Variants in GALNTL6 observed in about 807,000 individuals in gnomAD.
GALNTL6 encodes the protein polypeptide N-acetylgalactosaminyltransferase like 6.
A neutral mutation model predicts 73.7 loss-of-function variants in GALNTL6; 46 were observed. The ratio of observed to expected loss-of-function variants is 0.62; its 90% CI spans 0.49 to 0.80. The LOEUF (loss-of-function observed/expected upper bound fraction) is 0.80. GALNTL6 is among the 30% of genes least tolerant of loss of function. GALNTL6 has a pLI of 0.00. For synonymous variants in GALNTL6, 259 were observed against 263.7 expected (o/e 0.98, Z 0.17); for missense variants, 604 against 755.0 (o/e 0.80, Z 2.34).
At chr4:172,729,068 T>C (rs1735996777) in intron 5 of GALNTL6, among the ~76,000 whole-genome samples, 1 of 152,180 alleles carries the variant, frequency 6.6e-6, no homozygotes, top group Non-Finnish European at 1.5e-5. Context: ...ATTTGATTAT[T>C]TGGGTTTTTC....
intron 2 of GALNTL6, among the ~76,000 whole-genome samples, chr4:172,208,520 T>A (rs534827601): frequency 1.3e-5 from 2 of 152,292 alleles, no homozygotes; most frequent in East Asian, 1.9e-4. Context: ...CACATTTGTA[T>A]GATTTGGTAT....
chr4:172,748,794 G>A (rs1346662020), intron 5 of GALNTL6, among the ~76,000 whole-genome samples: 1 of 152,184 alleles, frequency 6.6e-6, no homozygotes, highest in Non-Finnish European at 1.5e-5. Context: ...GTAGATATTC[G>A]AAGTGATGGA....
chr4:172,414,251 T>C (rs1044005641), intron 5 of GALNTL6, among the ~76,000 whole-genome samples: 2 of 152,146 alleles, frequency 1.3e-5, no homozygotes, highest in East Asian at 3.9e-4. Context: ...GGACCTCAAC[T>C]TTCTCATTTA....
intron 3 of GALNTL6, among the ~76,000 whole-genome samples, chr4:172,303,103 G>A (rs535912272): frequency 9.2e-5 from 14 of 152,148 alleles, no homozygotes; most frequent in African/African-American, 2.2e-4. Context: ...AGGTTCAAGC[G>A]ATTCTCCTGC....
At chr4:172,465,488 AAAAAAGAAAAAG>A (rs1194943829) in intron 5 of GALNTL6, among the ~76,000 whole-genome samples, 1 of 152,104 alleles carries the variant, frequency 6.6e-6, no homozygotes, top group South Asian at 2.1e-4. Flanking sequence ...AAAAAAGAAA[AAAAAAGAAAAAG>A]AAAAAGAAAC....
At chr4:171,996,473 G>A (rs1434075656) in intron 2 of GALNTL6, among the ~76,000 whole-genome samples, 1 of 151,812 alleles carries the variant, frequency 6.6e-6, no homozygotes, top group Non-Finnish European at 1.5e-5. Flanking sequence ...TTTCATATTT[G>A]CAATATATTT....
chr4:172,917,958 A>T (rs1359289186), intron 8 of GALNTL6, among the ~76,000 whole-genome samples: 2 of 152,250 alleles, frequency 1.3e-5, no homozygotes, highest in Non-Finnish European at 2.9e-5. Context: ...ACATATGTTT[A>T]TTGTGGCACT....
chr4:172,223,741 C>T (rs1038456924), intron 2 of GALNTL6, among the ~76,000 whole-genome samples: 7 of 152,208 alleles, frequency 4.6e-5, no homozygotes, highest in East Asian at 1.9e-4. Context: ...TAATTAGTTA[C>T]GTGATCTTGA....
intron 7 of GALNTL6, among the ~76,000 whole-genome samples, chr4:172,871,328 A>T (rs1272483908): frequency 6.6e-6 from 1 of 152,038 alleles, no homozygotes; most frequent in African/African-American, 2.4e-5. Flanking sequence ...GGTTTCAGAA[A>T]CTCCACTGTG....
At chr4:172,632,239 GTGGAAGCCACTT>G (rs1347926328) in intron 5 of GALNTL6, among the ~76,000 whole-genome samples, 1 of 152,236 alleles carries the variant, frequency 6.6e-6, no homozygotes. Context: ...AGCCAAAATT[GTGGAAGCCACTT>G]TGGAACTGGG....
chr4:172,282,590 T>C (rs1739098834), intron 3 of GALNTL6, among the ~76,000 whole-genome samples: 1 of 149,502 alleles, frequency 6.7e-6, no homozygotes, highest in African/African-American at 2.5e-5. Flanking sequence ...TAGGATGTGG[T>C]AAATAAAATG....
chr4:171,905,752 T>A (rs146561910), intron 2 of GALNTL6, among the ~76,000 whole-genome samples: 1,851 of 150,880 alleles, frequency 0.012, 39 homozygotes, highest in African/African-American at 0.043. Context: ...AGTAAAGCTC[T>A]CCTCAGCAAA....
chr4:171,846,470 C>T (rs1025046180), intron 2 of GALNTL6, among the ~76,000 whole-genome samples: 3 of 152,060 alleles, frequency 2.0e-5, no homozygotes, highest in Non-Finnish European at 1.5e-5. Context: ...GAAGCTCCTG[C>T]GCTGGGGCTC....
At chr4:172,487,328 T>TTCTTTCTTTCTC (rs1733719104) in intron 5 of GALNTL6, among the ~76,000 whole-genome samples, 1 of 136,484 alleles carries the variant, frequency 7.3e-6, no homozygotes, top group Admixed American at 7.5e-5. Context: ...CTTTCTTTCT[T>TTCTTTCTTTCTC]TCTTTCTTTC....
intron 5 of GALNTL6, among the ~76,000 whole-genome samples, chr4:172,766,341 C>G (rs1321035799): frequency 6.6e-6 from 1 of 152,098 alleles, no homozygotes; most frequent in South Asian, 2.1e-4. Context: ...CAGTATTTCA[C>G]TTATTTGAAG....
chr4:172,498,722 G>A (rs956154687), intron 5 of GALNTL6, among the ~76,000 whole-genome samples: 2 of 152,050 alleles, frequency 1.3e-5, no homozygotes, highest in Non-Finnish European at 2.9e-5. Flanking sequence ...GAACTATATC[G>A]ACTGAGCTGC....
chr4:172,280,117 G>A (rs1345488052), intron 3 of GALNTL6, among the ~76,000 whole-genome samples: 2 of 152,176 alleles, frequency 1.3e-5, no homozygotes, highest in Non-Finnish European at 2.9e-5. Context: ...CAGGTACAGA[G>A]TTTTTGTTTT....
chr4:172,088,547 T>C (rs1027524841), intron 2 of GALNTL6, among the ~76,000 whole-genome samples: 9 of 152,156 alleles, frequency 5.9e-5, no homozygotes, highest in Non-Finnish European at 1.2e-4. Flanking sequence ...AATGAATAGA[T>C]TTAATGCTCA....
chr4:171,822,772 T>G (rs116784367), intron 2 of GALNTL6, among the ~76,000 whole-genome samples: 1,923 of 152,296 alleles, frequency 0.013, 39 homozygotes, highest in African/African-American at 0.044. Context: ...TCAATTAACT[T>G]CGAATCTATT....
Sources: gnomAD v4.1 joint callset for allele counts (sites outside exome capture counted in the v4.1 genomes callset) on GRCh38, gnomAD v4.1.1 for gene constraint, MANE v1.5 for transcripts, NCBI Gene and HGNC (gene_info 2026-07-23, HGNC 2026-07-21) for gene names.